PAK1: variants seen among roughly 807,000 people sequenced by gnomAD.
PAK1 encodes serine/threonine-protein kinase PAK 1.
In PAK1, 29 loss-of-function variants were observed where a neutral mutation model predicts 67.4. The observed-to-expected ratio is 0.43, with a 90% CI of 0.32 to 0.59. PAK1 has a LOEUF of 0.59. Ranked by LOEUF, PAK1 falls within the 20% of genes least tolerant of loss-of-function variation. The probability of loss-of-function intolerance (pLI) is 0.07; values close to 1 mark genes in which losing one functional copy is unlikely to be tolerated. For synonymous variants in PAK1, 223 were observed against 237.4 expected (o/e 0.94, Z 0.56); for missense variants, 337 against 670.7 (o/e 0.50, Z 5.50).
chr11:77,465,904 G>A (rs1042864778), intron 1 of PAK1, among the ~76,000 whole-genome samples: 16 of 152,084 alleles, frequency 1.1e-4, no homozygotes, highest in African/African-American at 3.4e-4. Context: ...AGCTATGATG[G>A]AGCTACTGTA....
At chr11:77,490,383 C>T in the PAK1 span, among the ~76,000 whole-genome samples, 3 of 78,854 alleles carry the variant, frequency 3.8e-5, no homozygotes, top group Middle Eastern at 6.5e-3. Context: ...GTGAGGGGTG[C>T]CTCTGCCTGG....
chr11:77,402,271 G>T (rs1285750457), intron 1 of PAK1, among the ~76,000 whole-genome samples: 1 of 152,146 alleles, frequency 6.6e-6, no homozygotes, highest in Non-Finnish European at 1.5e-5. Flanking sequence ...AAAGTGAAGT[G>T]GAAACGGCAG....
At chr11:77,488,528 A>T in the PAK1 span, among the ~76,000 whole-genome samples, 1 of 152,166 alleles carries the variant, frequency 6.6e-6, no homozygotes, top group East Asian at 1.9e-4. Context: ...TTTTGAGGAA[A>T]CTCAGCAAAA....
intron 1 of PAK1, among the ~76,000 whole-genome samples, chr11:77,428,444 C>T (rs1040460340): frequency 2.0e-5 from 3 of 151,848 alleles, no homozygotes; most frequent in African/African-American, 2.4e-5. Flanking sequence ...TGATGGCAGA[C>T]GCCTGTAGCC....
intron 7 of PAK1, among the ~76,000 whole-genome samples, chr11:77,354,559 G>A (rs1310061920): frequency 1.3e-5 from 2 of 152,092 alleles, no homozygotes; most frequent in African/African-American, 4.8e-5. Flanking sequence ...AATTCTAAGT[G>A]TTATTGTTAA....
chr11:77,506,806 T>A, the PAK1 span, among the ~76,000 whole-genome samples: 1 of 152,140 alleles, frequency 6.6e-6, no homozygotes, highest in African/African-American at 2.4e-5. Flanking sequence ...TCTGAGAGAA[T>A]AACAGTGCAT....
At chr11:77,334,415 T>G (rs544616556) in intron 13 of PAK1, among the ~76,000 whole-genome samples, 1 of 152,236 alleles carries the variant, frequency 6.6e-6, no homozygotes, top group South Asian at 2.1e-4. Flanking sequence ...TATTCAAGGA[T>G]GACATGAGCA....
upstream of PAK1, among the ~76,000 whole-genome samples, chr11:77,477,918 G>A (rs1326212697): frequency 1.3e-5 from 2 of 152,140 alleles, no homozygotes; most frequent in Non-Finnish European, 2.9e-5. Flanking sequence ...GTGAAACCGT[G>A]TCTCAAAAAT....
chr11:77,505,548 TA>T, the PAK1 span, among the ~76,000 whole-genome samples: 202 of 152,306 alleles, frequency 1.3e-3, 2 homozygotes, highest in African/African-American at 4.7e-3. Flanking sequence ...CCATATCCAT[TA>T]AACAACAGCT....
At chr11:77,323,440 CTTTG>C (rs1938853418) in intron 14 of PAK1, 80 bp from the exon 15 acceptor site, 2 of 956,360 alleles carry the variant, frequency 2.1e-6, no homozygotes, top group Non-Finnish European at 3.4e-6. Flanking sequence ...ATAAAGGCAT[CTTTG>C]TTTGTAAAGG....
intron 2 of PAK1, 140 bp from the exon 3 acceptor site, chr11:77,380,134 G>T: frequency 1.6e-6 from 1 of 624,592 alleles, no homozygotes; most frequent in Non-Finnish European, 2.8e-6. Flanking sequence ...GAAGAGCTCA[G>T]TTACGGATCT....
At chr11:77,339,486 G>A (rs563956541) in intron 11 of PAK1, among the ~76,000 whole-genome samples, 1 of 125,792 alleles carries the variant, frequency 7.9e-6, no homozygotes, top group African/African-American at 3.5e-5. Context: ...CATTAGTAGT[G>A]GAACAAAAAA....
At chr11:77,379,746 G>A (rs758385303) in intron 3 of PAK1, 148 bp downstream of exon 3, 2 of 630,934 alleles carry the variant, frequency 3.2e-6, no homozygotes, top group Non-Finnish European at 5.6e-6. Context: ...TTTTGGCGAT[G>A]AAAGTGTCCC....
chr11:77,474,793 G>A (rs1327856637), upstream of PAK1: 2 of 152,136 alleles, frequency 1.3e-5, no homozygotes, highest in East Asian at 3.8e-4. Flanking sequence ...TACCGTGGAG[G>A]GTACTTTCGA....
At chr11:77,450,255 A>C (rs1956796562) in intron 1 of PAK1, among the ~76,000 whole-genome samples, 1 of 152,138 alleles carries the variant, frequency 6.6e-6, no homozygotes. Context: ...ATGTTTTCTC[A>C]TAACCCTGGA....
At chr11:77,334,692 C>A (rs1397696449) in intron 13 of PAK1, among the ~76,000 whole-genome samples, 1 of 152,182 alleles carries the variant, frequency 6.6e-6, no homozygotes, top group Non-Finnish European at 1.5e-5. Flanking sequence ...CCTTCTTGTA[C>A]ATGACCATTT....
At chr11:77,366,740 T>C (rs1264427290) in intron 5 of PAK1, among the ~76,000 whole-genome samples, 2 of 152,172 alleles carry the variant, frequency 1.3e-5, no homozygotes, top group African/African-American at 2.4e-5. Context: ...CCCTCATTAA[T>C]TGCTAGTGGG....
chr11:77,366,611 C>T lies in PAK1; in HGVS notation c.478-7594G>A, dbSNP rs189974693. On this transcript the variant is annotated intron_variant, in intron 5 of 14. Transcript: ENST00000356341. ...AAGCACATGAAAAGATGCTCAACAT[C>T]ATTATCCATTAGGAAATCCAATAAA... Among the ~76,000 whole-genome samples the T allele has an allele frequency of 7.2e-5, 11 of 152,292 alleles. No individual in the cohort carries two copies. The East Asian group carries it at 1.9e-3, about 27-fold the overall frequency.
intron 14 of PAK1, among the ~76,000 whole-genome samples, chr11:77,326,749 C>T (rs888171821): frequency 1.4e-4 from 22 of 152,202 alleles, no homozygotes; most frequent in African/African-American, 4.6e-4. Context: ...TCCAAAGGAA[C>T]GCAGCTCCTC....
Sources: gnomAD v4.1 joint callset for allele counts (sites outside exome capture counted in the v4.1 genomes callset) on GRCh38, gnomAD v4.1.1 for gene constraint, MANE v1.5 for transcripts, NCBI Gene and HGNC (gene_info 2026-07-23, HGNC 2026-07-21) for gene names.